The following LRRTM4 variants were observed in gnomAD, a reference collection of about 807,000 sequenced individuals.
LRRTM4 encodes leucine-rich repeat transmembrane neuronal protein 4.
Under a neutral mutation model 47.6 loss-of-function variants are expected in LRRTM4, and 25 were observed. The observed-to-expected ratio is 0.53, with a 90% CI of 0.38 to 0.73. The LOEUF (loss-of-function observed/expected upper bound fraction) is 0.73, where lower values mean the gene tolerates loss of function less well. Ranked by LOEUF, LRRTM4 falls within the 30% of genes least tolerant of loss-of-function variation. LRRTM4 has a pLI of 0.00. For missense variants in LRRTM4, 638 were observed against 713.4 expected (o/e 0.89, Z 1.20); for synonymous variants, 311 against 269.5 (o/e 1.15, Z -1.51).
chr2:77,276,505 A>AAT (rs1157652539), intron 3 of LRRTM4, among the ~76,000 whole-genome samples: 5 of 148,410 alleles, frequency 3.4e-5, no homozygotes, highest in African/African-American at 5.1e-5. Flanking sequence ...TGATATATAT[A>AAT]ATATATATAT....
At chr2:77,177,987 C>T (rs368509736) in intron 3 of LRRTM4, among the ~76,000 whole-genome samples, 1 of 152,108 alleles carries the variant, frequency 6.6e-6, no homozygotes, top group South Asian at 2.1e-4. Flanking sequence ...TCTTTCTATG[C>T]TTATTTGTGC....
At chr2:76,822,656 G>T (rs1027321216) in intron 3 of LRRTM4, among the ~76,000 whole-genome samples, 4 of 151,428 alleles carry the variant, frequency 2.6e-5, no homozygotes, top group African/African-American at 9.7e-5. Flanking sequence ...AGCAAATGTA[G>T]AAATCAAGGA....
chr2:77,350,193 G>C (rs1216670663), intron 3 of LRRTM4, among the ~76,000 whole-genome samples: 2 of 150,250 alleles, frequency 1.3e-5, no homozygotes, highest in Non-Finnish European at 3.0e-5. Flanking sequence ...GGGCGCGGTG[G>C]CGGGCGCCTG....
intron 3 of LRRTM4, among the ~76,000 whole-genome samples, chr2:77,387,830 GT>G (rs1422790958): frequency 6.6e-6 from 1 of 151,782 alleles, no homozygotes; most frequent in African/African-American, 2.4e-5. Flanking sequence ...AGTTAATGAG[GT>G]TACTTCACCA....
intron 3 of LRRTM4, among the ~76,000 whole-genome samples, chr2:77,380,595 G>A (rs13425444): frequency 0.03 from 4,522 of 152,012 alleles, 85 homozygotes; most frequent in South Asian, 0.07. Context: ...TCAGGAGTTC[G>A]AGACCATCTG....
intron 3 of LRRTM4, among the ~76,000 whole-genome samples, chr2:77,108,512 T>G (rs564135929): frequency 1.3e-5 from 2 of 152,062 alleles, no homozygotes; most frequent in African/African-American, 4.8e-5. Context: ...AAATAACTTC[T>G]TCAGTTGTAT....
At chr2:76,970,264 C>T (rs77653760) in intron 3 of LRRTM4, among the ~76,000 whole-genome samples, 2,527 of 152,026 alleles carry the variant, frequency 0.017, 85 homozygotes, top group African/African-American at 0.056. Context: ...ATACATATAA[C>T]GAAGTACATC....
chr2:77,351,080 T>A (rs969676782), intron 3 of LRRTM4, among the ~76,000 whole-genome samples: 1 of 152,164 alleles, frequency 6.6e-6, no homozygotes, highest in Non-Finnish European at 1.5e-5. Flanking sequence ...CCACCCCGTA[T>A]GCTCATGTAG....
intron 3 of LRRTM4, among the ~76,000 whole-genome samples, chr2:77,492,270 T>C (rs2104049031): frequency 6.6e-6 from 1 of 152,316 alleles, no homozygotes; most frequent in East Asian, 1.9e-4. Flanking sequence ...TTGTTTTGTT[T>C]CTCTTTTAGA....
chr2:76,923,904 C>G (rs1674509734), intron 3 of LRRTM4, among the ~76,000 whole-genome samples: 1 of 151,984 alleles, frequency 6.6e-6, no homozygotes, highest in Non-Finnish European at 1.5e-5. Flanking sequence ...TTTTTACATT[C>G]CTGAAATAGT....
chr2:76,925,453 T>C (rs1674560489), intron 3 of LRRTM4, among the ~76,000 whole-genome samples: 1 of 152,140 alleles, frequency 6.6e-6, no homozygotes. Flanking sequence ...TTAAGCTCTG[T>C]CTGGCTTTCT....
At chr2:77,071,449 A>G (rs2103828340) in intron 3 of LRRTM4, among the ~76,000 whole-genome samples, 1 of 152,192 alleles carries the variant, frequency 6.6e-6, no homozygotes, top group Non-Finnish European at 1.5e-5. Flanking sequence ...GGTATTTCAT[A>G]TATTCATTAA....
intron 3 of LRRTM4, among the ~76,000 whole-genome samples, chr2:77,063,105 C>A (rs1399820251): frequency 6.6e-6 from 1 of 150,844 alleles, no homozygotes; most frequent in Non-Finnish European, 1.5e-5. Flanking sequence ...CAGGCACATG[C>A]CACCATGCCC....
intron 3 of LRRTM4, among the ~76,000 whole-genome samples, chr2:76,853,642 A>G (rs547591549): frequency 9.9e-5 from 15 of 152,282 alleles, no homozygotes; most frequent in African/African-American, 3.1e-4. Flanking sequence ...AGAAAAAAAA[A>G]TGTACCAATT....
intron 3 of LRRTM4, among the ~76,000 whole-genome samples, chr2:77,324,320 T>A (rs1382858565): frequency 6.6e-6 from 1 of 152,158 alleles, no homozygotes; most frequent in Non-Finnish European, 1.5e-5. Context: ...TTAACAGTCC[T>A]GTGGGCTGGA....
intron 3 of LRRTM4, among the ~76,000 whole-genome samples, chr2:76,768,110 T>C (rs1278041646): frequency 6.6e-6 from 1 of 152,200 alleles, no homozygotes; most frequent in South Asian, 2.1e-4. Context: ...GCATATTATA[T>C]AGAGATAGAA....
At chr2:77,381,283 A>G (rs1319618181) in intron 3 of LRRTM4, among the ~76,000 whole-genome samples, 1 of 152,104 alleles carries the variant, frequency 6.6e-6, no homozygotes, top group Non-Finnish European at 1.5e-5. Context: ...ACAGAAGTCA[A>G]TGGGCTTTCC....
At chr2:76,959,992 T>C (rs1047336058) in intron 3 of LRRTM4, among the ~76,000 whole-genome samples, 2 of 151,014 alleles carry the variant, frequency 1.3e-5, no homozygotes, top group Non-Finnish European at 3.0e-5. Flanking sequence ...AATGGAAACT[T>C]GGCCAAACAA....
chr2:77,478,200 T>A (rs983376188), intron 3 of LRRTM4, among the ~76,000 whole-genome samples: 2 of 152,234 alleles, frequency 1.3e-5, no homozygotes, highest in Non-Finnish European at 2.9e-5. Context: ...TGATCAGAAC[T>A]TGTTTGGAGA....
Sources: gnomAD v4.1 joint callset for allele counts (sites outside exome capture counted in the v4.1 genomes callset) on GRCh38, gnomAD v4.1.1 for gene constraint, MANE v1.5 for transcripts, NCBI Gene and HGNC (gene_info 2026-07-23, HGNC 2026-07-21) for gene names.